The following PLXDC1 variants were observed in gnomAD, a reference collection of about 807,000 sequenced individuals.
The protein encoded by PLXDC1 is plexin domain containing 1.
PLXDC1 carries 39 observed loss-of-function variants against 61.3 expected under a neutral mutation model. That is an observed-to-expected ratio of 0.64 (90% CI 0.49 to 0.83). PLXDC1 has a LOEUF of 0.83. Ranked by LOEUF, PLXDC1 falls within the 40% of genes least tolerant of loss-of-function variation. The pLI is 0.00. For synonymous variants in PLXDC1, 212 were observed against 254.5 expected (o/e 0.83, Z 1.59); for missense variants, 596 against 666.5 (o/e 0.89, Z 1.17).
At chr17:39,068,039 A>T (rs754452658) in intron 13 of PLXDC1, 80 bp from the exon 14 acceptor site, 59 of 1,400,224 alleles carry the variant, frequency 4.2e-5, no homozygotes, top group Non-Finnish European at 4.2e-5. Flanking sequence ...GACAGAGCCA[A>T]CCAAGACTGT....
Position 39,066,992 on chromosome 17 carries a change from T to C in PLXDC1, c.*848A>G, listed in dbSNP as rs1353736198. ...TTTAAAGGTGGCCAGGAGCAGGGCATCTGGCTATCTGGCTATCTCCAGGTA... is the reference window on the plus strand; with the variant it reads ...TTTAAAGGTGGCCAGGAGCAGGGCACCTGGCTATCTGGCTATCTCCAGGTA... On this transcript the variant is annotated 3_prime_UTR_variant, in exon 14 of 14. Transcript: ENST00000315392. The C allele has an allele frequency of 5.3e-5, 8 of 152,264 alleles. No homozygotes were observed. The highest frequency in any genetic ancestry group is 8.8e-5 in the Non-Finnish European group (6 of 68,090). 9.4% of individuals were successfully genotyped at this position (152,264 alleles called of 1,614,324 possible).
chr17:39,126,418 G>A (rs1057387272), intron 2 of PLXDC1, among the ~76,000 whole-genome samples: 1 of 152,134 alleles, frequency 6.6e-6, no homozygotes, highest in Non-Finnish European at 1.5e-5. Flanking sequence ...ATAAGCAAGA[G>A]TTAAGTTCCT....
intron 11 of PLXDC1, among the ~76,000 whole-genome samples, chr17:39,074,853 G>A (rs1452836059): frequency 1.3e-5 from 2 of 152,150 alleles, no homozygotes; most frequent in Non-Finnish European, 2.9e-5. Context: ...CTACCTCCTT[G>A]TAGGAGGAGC....
chr17:39,109,219 G>A, intron 3 of PLXDC1, 29 bp downstream of exon 3: 3 of 1,594,400 alleles, frequency 1.9e-6, no homozygotes, highest in East Asian at 2.2e-5. Context: ...CCAGCACAGG[G>A]AAGCATGGCT....
At chr17:39,144,040 G>A (rs948014699) in intron 1 of PLXDC1, among the ~76,000 whole-genome samples, 42 of 152,230 alleles carry the variant, frequency 2.8e-4, no homozygotes, top group African/African-American at 9.6e-4. Context: ...GAGGGGCTCA[G>A]CGGCCCAGAG....
At chr17:39,112,553 G>GTT (rs140241404) in intron 2 of PLXDC1, among the ~76,000 whole-genome samples, 4,842 of 150,688 alleles carry the variant, frequency 0.032, 100 homozygotes, top group Middle Eastern at 0.055. Context: ...TACCTCCTGG[G>GTT]TTCAGGCAAT....
chr17:39,072,721 G>A, intron 11 of PLXDC1: 1 of 553,030 alleles, frequency 1.8e-6, no homozygotes, highest in East Asian at 3.2e-5. Flanking sequence ...AGGGCCGGCT[G>A]CCTGGAGAGC....
chr17:39,077,323 G>A lies in PLXDC1; in HGVS notation c.1186+590C>T, dbSNP rs143078039. On this transcript the variant is annotated intron_variant, in intron 11 of 13. Transcript: ENST00000315392. ...TGGGACACCGCCTGGTGCATTCACG[G>A]GGATGGACCTCTGGCAGCTTCAACC... is the stretch of plus-strand genomic sequence containing the variant. 2.7e-4 allele frequency among the ~76,000 whole-genome samples: 41 copies of A among 152,294 alleles called. No individual in the cohort carries two copies. In the East Asian group the frequency reaches 6.6e-3, roughly 24 times the overall value.
At chr17:39,138,506 A>G (rs1455286257) in intron 2 of PLXDC1, among the ~76,000 whole-genome samples, 1 of 152,098 alleles carries the variant, frequency 6.6e-6, no homozygotes, top group Non-Finnish European at 1.5e-5. Context: ...CAAAAGCCAA[A>G]TCTCCCTGAG....
chr17:39,089,999 A>C (rs1408007212), intron 7 of PLXDC1, among the ~76,000 whole-genome samples: 1 of 151,944 alleles, frequency 6.6e-6, no homozygotes, highest in African/African-American at 2.4e-5. Flanking sequence ...GGGTTTCACC[A>C]TATTGGCCAG....
In PLXDC1 at chr17:39,151,531, G is replaced by A. The variant is rs898860559; in HGVS notation, c.-94C>T. 8.2e-7 allele frequency: 1 copy of A among 1,219,964 alleles called. No individual in the cohort carries two copies. The highest frequency in any genetic ancestry group is 4.3e-5 in the Admixed American group (1 of 23,168). The allele number at this position is 1,219,964 out of a possible 1,614,324, so 75.6% of individuals were successfully genotyped here. A position where few individuals can be genotyped will look rare whatever the true frequency, so the allele number is the denominator to read the frequency against. Reference sequence around the variant, plus strand: ...CAGGCTGCGGCCGCGCGGTCCCCGGGGCTGGCGGAGGGGCGGGCGGCGAGG... The same window carrying A: ...CAGGCTGCGGCCGCGCGGTCCCCGGAGCTGGCGGAGGGGCGGGCGGCGAGG... On this transcript the variant is annotated 5_prime_UTR_variant, in exon 1 of 14. Transcript: ENST00000315392. This position sits in a 1 kb window ranked among gnomAD's most constrained non-coding sequence, Gnocchi z 5.2.
chr17:39,123,409 C>T lies in PLXDC1; in HGVS notation c.256-14018G>A, dbSNP rs191186792. On this transcript the variant is annotated intron_variant, in intron 2 of 13. Transcript: ENST00000315392. The stretch of plus-strand genomic sequence containing the variant: ...TTCACCATGTTGGCCAGGCTGGTCT[C>T]GAACTCCTGACCTTAGGTGATCCAC... Among the ~76,000 whole-genome samples, 378 of 151,284 alleles carry T rather than the reference C, an allele frequency of 2.5e-3. 9 individuals are homozygous for T. The East Asian group carries it at 0.041, about 16-fold the overall frequency.
chr17:39,137,977 C>G (rs1200882852), intron 2 of PLXDC1, among the ~76,000 whole-genome samples: 4 of 152,024 alleles, frequency 2.6e-5, no homozygotes. Flanking sequence ...GAGTCTTCTT[C>G]TTTTTCCCAG....
Position 39,067,830 on chromosome 17 carries a change from C to G in PLXDC1, c.*10G>C. 1 of 1,608,088 alleles carries G rather than the reference C, an allele frequency of 6.2e-7. No homozygotes were observed. The highest frequency in any genetic ancestry group is 1.1e-5 in the South Asian group (1 of 90,686). On this transcript the variant is annotated 3_prime_UTR_variant, in exon 14 of 14. Coordinates refer to ENST00000315392, the MANE Select transcript of PLXDC1 (RefSeq NM_020405.5). ...GGCCTCAAAGTCTTCAAAGGGGAGA[C>G]TTGGTGTTCTCAGCACTGCTCAGCC...
chr17:39,123,987 G>A (rs1259232924), intron 2 of PLXDC1, among the ~76,000 whole-genome samples: 1 of 152,112 alleles, frequency 6.6e-6, no homozygotes, highest in African/African-American at 2.4e-5. Flanking sequence ...GGATTACTGT[G>A]GGGAGGGGGA....
At chr17:39,136,653 A>G (rs1463218553) in intron 2 of PLXDC1, among the ~76,000 whole-genome samples, 2 of 150,816 alleles carry the variant, frequency 1.3e-5, no homozygotes, top group African/African-American at 2.5e-5. Flanking sequence ...AGCAGAGGGG[A>G]AAAAAATCTC....
chr17:39,135,128 C>G (rs574644488), intron 2 of PLXDC1, among the ~76,000 whole-genome samples: 2 of 152,334 alleles, frequency 1.3e-5, no homozygotes, highest in African/African-American at 2.4e-5. Context: ...GCCCATGAGG[C>G]CTTCGGGTTC....
chr17:39,144,605 C>A (rs1912037189), intron 1 of PLXDC1: 1 of 152,242 alleles, frequency 6.6e-6, no homozygotes, highest in Non-Finnish European at 1.5e-5. Flanking sequence ...GTGCACATGC[C>A]CACAAAGACT....
chr17:39,103,247 A>T (rs1382113366), intron 7 of PLXDC1, among the ~76,000 whole-genome samples: 1 of 151,686 alleles, frequency 6.6e-6, no homozygotes, highest in Non-Finnish European at 1.5e-5. Context: ...TTACTAAATA[A>T]GCTGGGCTCA....
Sources: gnomAD v4.1 joint callset for allele counts (sites outside exome capture counted in the v4.1 genomes callset) on GRCh38, gnomAD v4.1.1 for gene constraint, Gnocchi (gnomAD v3.1) non-coding constraint, MANE v1.5 for transcripts, NCBI Gene and HGNC (gene_info 2026-07-23, HGNC 2026-07-21) for gene names.